KAZN: variants seen among roughly 807,000 people sequenced by gnomAD.
The protein encoded by KAZN is kazrin.
In KAZN, 40 loss-of-function variants were observed where a neutral mutation model predicts 87.4. The observed-to-expected ratio is 0.46, with a 90% CI of 0.36 to 0.60. KAZN has a LOEUF of 0.60. KAZN is among the 20% of genes least tolerant of loss of function. The probability of loss-of-function intolerance (pLI) is 0.00; values close to 1 mark genes in which losing one functional copy is unlikely to be tolerated. For synonymous variants in KAZN, 466 were observed against 458.3 expected, an observed-to-expected ratio of 1.02 and a Z score of -0.22; for missense variants, 898 against 1,073.9, an observed-to-expected ratio of 0.84 and a Z score of 2.29.
intron 2 of KAZN, among the ~76,000 whole-genome samples, chr1:14,527,012 A>G (rs1671904538): frequency 6.6e-6 from 1 of 152,208 alleles, no homozygotes. Flanking sequence ...TAAATTATAA[A>G]CTAAAATGCT....
intron 2 of KAZN, among the ~76,000 whole-genome samples, chr1:14,549,172 C>A (rs1673349689): frequency 6.6e-6 from 1 of 152,050 alleles, no homozygotes; most frequent in Non-Finnish European, 1.5e-5. Flanking sequence ...TGTAGATAAT[C>A]ATATTATCAT....
intron 1 of KAZN, among the ~76,000 whole-genome samples, chr1:13,952,519 A>G (rs1641391382): frequency 6.6e-6 from 1 of 151,784 alleles, no homozygotes; most frequent in Non-Finnish European, 1.5e-5. Flanking sequence ...CACCCCTTAC[A>G]TGGAGGTGAA....
At chr1:14,244,305 A>G (rs754742991) in intron 2 of KAZN, among the ~76,000 whole-genome samples, 3 of 152,126 alleles carry the variant, frequency 2.0e-5, no homozygotes, top group Non-Finnish European at 2.9e-5. Flanking sequence ...CAGAGAAGCC[A>G]CCTCTGGCTA....
At chr1:14,792,369 A>C (rs950342068) in intron 1 of KAZN, among the ~76,000 whole-genome samples, 8 of 152,206 alleles carry the variant, frequency 5.3e-5, no homozygotes, top group Admixed American at 3.3e-4. Flanking sequence ...AGGTGTGGTC[A>C]ATCCATGCAG....
intron 2 of KAZN, among the ~76,000 whole-genome samples, chr1:14,216,015 G>T (rs1236489811): frequency 1.3e-5 from 2 of 152,122 alleles, no homozygotes. Flanking sequence ...TGTGGCAGTG[G>T]CAGAAGAAGT....
chr1:14,725,796 A>G (rs969598814), intron 1 of KAZN, among the ~76,000 whole-genome samples: 3 of 152,160 alleles, frequency 2.0e-5, no homozygotes, highest in African/African-American at 7.2e-5. Context: ...TGTGAAATGC[A>G]GATCCTGGTT....
chr1:14,020,564 C>G (rs1258947372), intron 1 of KAZN, among the ~76,000 whole-genome samples: 2 of 152,218 alleles, frequency 1.3e-5, no homozygotes, highest in African/African-American at 2.4e-5. Flanking sequence ...GACTAGCAAA[C>G]TGTTTTGTAT....
intron 8 of KAZN, among the ~76,000 whole-genome samples, chr1:15,070,776 G>A (rs1639470796): frequency 6.6e-6 from 1 of 152,210 alleles, no homozygotes; most frequent in African/African-American, 2.4e-5. Context: ...GGGATGTCGA[G>A]GCTGCAATGA....
intron 1 of KAZN, among the ~76,000 whole-genome samples, chr1:14,727,511 C>CTTTTTTTTT (rs1643455466): frequency 3.3e-5 from 3 of 91,742 alleles, no homozygotes; most frequent in Non-Finnish European, 6.0e-5. Flanking sequence ...AAGAGTTTTG[C>CTTTTTTTTT]TCTTGTTGTC....
At chr1:14,954,909 G>A (rs767730371) in intron 1 of KAZN, among the ~76,000 whole-genome samples, 1 of 152,122 alleles carries the variant, frequency 6.6e-6, no homozygotes, top group Non-Finnish European at 1.5e-5. Context: ...CCAAGATCGC[G>A]CCACTGTACT....
chr1:14,325,509 A>G (rs1423853176), intron 2 of KAZN, among the ~76,000 whole-genome samples: 1 of 152,210 alleles, frequency 6.6e-6, no homozygotes, highest in Non-Finnish European at 1.5e-5. Context: ...GCATACCAAC[A>G]TGTGCATGGT....
chr1:14,735,007 G>A lies in KAZN; in HGVS notation c.226+135784G>A, dbSNP rs918936205. Among the ~76,000 whole-genome samples, 2 of 152,222 alleles carry A rather than the reference G, an allele frequency of 1.3e-5. No homozygotes were observed. The highest frequency in any genetic ancestry group is 2.9e-5 in the Non-Finnish European group (2 of 68,034). On this transcript the variant is annotated intron_variant, in intron 1 of 14. Coordinates refer to ENST00000376030, the MANE Select transcript of KAZN (RefSeq NM_201628.3). The surrounding 1 kb of genome is among the most constrained non-coding windows in gnomAD (Gnocchi z 4.3). ...AGGAGGCAGTAGGTGTGCCTTGTAC[G>A]AGGATGTGCGTCTTGGTTTTGGGGA...
At chr1:14,459,443 A>G (rs1253402686) in intron 2 of KAZN, among the ~76,000 whole-genome samples, 1 of 151,690 alleles carries the variant, frequency 6.6e-6, no homozygotes, top group African/African-American at 2.4e-5. Context: ...CTCTTCCCCC[A>G]ATCAGATTAA....
Position 14,275,444 on chromosome 1 carries a change from CTGTGTGTG to C in KAZN, c.249+94892_249+94899del, listed in dbSNP as rs60684981. On this transcript the variant is annotated intron_variant, in intron 2 of 16. Coordinates refer to the KAZN transcript ENST00000636203. ...GAAAACTGCAGCCTTGTGGTAAATA[CTGTGTGTG>C]TGTGTGTGTGTGTGTGTGTGTGTGT... 3.4e-3 allele frequency among the ~76,000 whole-genome samples: 462 copies of C among 136,950 alleles called. 1 individual carries two copies. The highest frequency in any genetic ancestry group is 6.9e-3 in the Admixed American group (94 of 13,684). The allele number at this position is 136,950 out of a possible 152,430, so 89.8% of individuals were successfully genotyped here.
intron 2 of KAZN, among the ~76,000 whole-genome samples, chr1:14,475,665 A>T (rs1249925964): frequency 1.3e-5 from 2 of 152,200 alleles, no homozygotes; most frequent in African/African-American, 4.8e-5. Flanking sequence ...TTTAATTCAC[A>T]ATCCTGAATT....
At chr1:14,128,977 T>C (rs181109451) in intron 1 of KAZN, among the ~76,000 whole-genome samples, 7 of 152,346 alleles carry the variant, frequency 4.6e-5, no homozygotes, top group Admixed American at 3.9e-4. Context: ...TAAGGGAATT[T>C]TAACATAAGC....
intron 1 of KAZN, among the ~76,000 whole-genome samples, chr1:14,671,139 G>A (rs1428998389): frequency 6.6e-6 from 1 of 152,164 alleles, no homozygotes; most frequent in Non-Finnish European, 1.5e-5. Flanking sequence ...CCTGGAGGAG[G>A]GGGTACTTAA....
chr1:14,534,027 C>T (rs971832050), intron 2 of KAZN, among the ~76,000 whole-genome samples: 3 of 152,074 alleles, frequency 2.0e-5, no homozygotes, highest in African/African-American at 7.2e-5. Flanking sequence ...ATGAGTTTTC[C>T]TTAGCCTAAA....
intron 1 of KAZN, among the ~76,000 whole-genome samples, chr1:14,794,553 G>C (rs1645774889): frequency 6.6e-6 from 1 of 152,178 alleles, no homozygotes; most frequent in Admixed American, 6.5e-5. Flanking sequence ...CGGGGAGGCT[G>C]GTGTGTGGTG....
Sources: gnomAD v4.1 joint callset for allele counts (sites outside exome capture counted in the v4.1 genomes callset) on GRCh38, gnomAD v4.1.1 for gene constraint, Gnocchi (gnomAD v3.1) non-coding constraint, MANE v1.5 for transcripts, NCBI Gene and HGNC (gene_info 2026-07-23, HGNC 2026-07-21) for gene names.